The following NDST3 variants were observed in gnomAD, a reference collection of about 807,000 sequenced individuals.
NDST3 encodes the protein bifunctional heparan sulfate N-deacetylase/N-sulfotransferase 3.
NDST3 carries 58 observed loss-of-function variants against 96.1 expected under a neutral mutation model. The ratio of observed to expected loss-of-function variants is 0.60; its 90% CI spans 0.49 to 0.75. The LOEUF is 0.75. Among genes scored for constraint, NDST3 ranks in the 30% least tolerant of loss-of-function variants. The probability of loss-of-function intolerance (pLI) is 0.00; values close to 1 mark genes in which losing one functional copy is unlikely to be tolerated. For synonymous variants in NDST3, 333 were observed against 359.7 expected, an observed-to-expected ratio of 0.93 and a Z score of 0.84; for missense variants, 788 against 1,034.2, an observed-to-expected ratio of 0.76 and a Z score of 3.27.
intron 2 of NDST3, among the ~76,000 whole-genome samples, chr4:118,101,975 C>A (rs1729804196): frequency 6.6e-6 from 1 of 151,880 alleles, no homozygotes; most frequent in South Asian, 2.1e-4. Context: ...AATGAAAATT[C>A]AAAACTCTGT....
intron 4 of NDST3, among the ~76,000 whole-genome samples, chr4:118,125,360 A>G (rs562425933): frequency 2.0e-5 from 3 of 152,178 alleles, no homozygotes; most frequent in East Asian, 1.9e-4. Flanking sequence ...CTTAAAACAA[A>G]TCTACTAAAA....
intron 12 of NDST3, among the ~76,000 whole-genome samples, chr4:118,249,081 A>G (rs1264662868): frequency 6.6e-6 from 1 of 152,232 alleles, no homozygotes; most frequent in Admixed American, 6.5e-5. Context: ...CACCTGCTGC[A>G]TAAGATCTAA....
chr4:118,058,323 T>C (rs190213468), intron 2 of NDST3, among the ~76,000 whole-genome samples: 3 of 151,122 alleles, frequency 2.0e-5, no homozygotes, highest in Non-Finnish European at 4.4e-5. Context: ...ATATCAGCTT[T>C]ACCCACCTAG....
intron 6 of NDST3, chr4:118,193,833 G>C: frequency 7.3e-7 from 1 of 1,372,992 alleles, no homozygotes; most frequent in South Asian, 1.3e-5. Context: ...GCCAGTTGAA[G>C]GGCCTGTGCC....
chr4:118,105,915 T>C (rs1332297678), intron 3 of NDST3, among the ~76,000 whole-genome samples: 2 of 152,214 alleles, frequency 1.3e-5, no homozygotes, highest in Non-Finnish European at 2.9e-5. Flanking sequence ...GTTGTACCTG[T>C]TTATATTCCC....
chr4:118,114,120 C>G (rs1730861829), intron 3 of NDST3, among the ~76,000 whole-genome samples: 1 of 151,858 alleles, frequency 6.6e-6, no homozygotes, highest in African/African-American at 2.4e-5. Flanking sequence ...GCAAAATCTT[C>G]TTCCAACAAC....
chr4:118,071,583 C>T (rs1727081834), intron 2 of NDST3, among the ~76,000 whole-genome samples: 1 of 152,056 alleles, frequency 6.6e-6, no homozygotes, highest in Non-Finnish European at 1.5e-5. Flanking sequence ...GGGTGTTCTA[C>T]AAAGGACATG....
chr4:118,152,457 T>C (rs1462124623), intron 6 of NDST3, among the ~76,000 whole-genome samples: 2 of 152,220 alleles, frequency 1.3e-5, no homozygotes, highest in Non-Finnish European at 2.9e-5. Context: ...AGAATTTCTT[T>C]AAAACTTATG....
intron 6 of NDST3, among the ~76,000 whole-genome samples, chr4:118,214,232 T>A (rs1739041186): frequency 6.6e-6 from 1 of 151,954 alleles, no homozygotes; most frequent in Non-Finnish European, 1.5e-5. Context: ...AATATGAAGA[T>A]GAAGAAGAAG....
intron 6 of NDST3, among the ~76,000 whole-genome samples, chr4:118,219,920 A>C (rs111661251): frequency 0.11 from 17,308 of 152,174 alleles, 1,320 homozygotes; most frequent in South Asian, 0.2. Flanking sequence ...AAAGCTCAAC[A>C]TCACTGATCA....
rs538264109 is a variant in NDST3 at position 118,230,546 on chromosome 4, G to T, written c.1820-2466G>T. 4.6e-5 allele frequency among the ~76,000 whole-genome samples: 7 copies of T among 151,674 alleles called. No individual in the cohort carries two copies. The South Asian group carries it at 1.5e-3, about 32-fold the overall frequency. On this transcript the variant is annotated intron_variant, in intron 8 of 13. Coordinates refer to ENST00000296499, the MANE Select transcript of NDST3 (RefSeq NM_004784.3). Reference sequence around the variant, plus strand: ...GCCGAGATCACGCCGCTGCACTCTAGCCTGGGCAACAGAGCGAGACTCCGT... The same window carrying T: ...GCCGAGATCACGCCGCTGCACTCTATCCTGGGCAACAGAGCGAGACTCCGT...
Position 118,237,060 on chromosome 4 carries a change from TC to T in NDST3, c.1961del (p.Pro654GlnfsTer64). On this transcript the variant is annotated frameshift_variant, in exon 10 of 14. Transcript: ENST00000296499. LOFTEE classifies it high-confidence loss of function. ...HRGIDWYMDF[F>X]PVPSNVTTDF... is the part of the protein sequence containing the mutation. ...TCCTTTTCTAGGTATATGGATTTCT[TC>T]CCAGTCCCATCTAATGTCACTACCG... 1 of 1,606,290 alleles carries T rather than the reference TC, an allele frequency of 6.2e-7. No individual in the cohort carries two copies. The highest frequency in any genetic ancestry group is 8.5e-7 in the Non-Finnish European group (1 of 1,175,952).
rs1194447017 is a variant in NDST3, at chr4:118,224,755, G to C, written c.1722+82G>C. 4 of 1,275,562 alleles carry C rather than the reference G, an allele frequency of 3.1e-6. No individual in the cohort carries two copies. The African/African-American group carries it at 6.1e-5, about 20-fold the overall frequency. The allele number at this position is 1,275,562 out of a possible 1,614,324, so 79.0% of individuals were successfully genotyped here. On this transcript the variant is annotated intron_variant, in intron 7 of 13. Coordinates refer to ENST00000296499, the MANE Select transcript of NDST3 (RefSeq NM_004784.3). ...AGATATCCCAAATTTGAAAAGTGAA[G>C]GCACCTGAAAAAACCTGCATTTTGG...
chr4:118,165,669 C>A (rs950608474), intron 6 of NDST3, among the ~76,000 whole-genome samples: 5 of 151,910 alleles, frequency 3.3e-5, no homozygotes, highest in Non-Finnish European at 5.9e-5. Context: ...CATGTTGGAT[C>A]ACAAAATAAG....
rs1356726632 is a variant in NDST3 at position 118,143,601 on chromosome 4, T to C, written c.1456T>C (p.Tyr486His). 2 of 1,609,762 alleles carry C rather than the reference T, an allele frequency of 1.2e-6. No individual in the cohort carries two copies. Among genetic ancestry groups the C allele is most frequent in the African/African-American group, 1.3e-5 (1 of 74,614 alleles). The part of the protein sequence containing the change: ...TCGLFTHTIF[Y>H]KEYPGGPKEL... ...TGGGCTTTTCACTCACACCATTTTC[T>C]ACAAAGAATATCCAGGGGGTCCTAA... The change falls in exon 6 of 14, where the codon TAC (tyrosine) becomes CAC (histidine). Residue 486 changes from tyrosine to histidine, a missense_variant. Coordinates refer to ENST00000296499, the MANE Select transcript of NDST3 (RefSeq NM_004784.3).
intron 13 of NDST3, among the ~76,000 whole-genome samples, chr4:118,254,759 T>A (rs1418859822): frequency 6.6e-6 from 1 of 152,332 alleles, no homozygotes; most frequent in Middle Eastern, 3.4e-3. Context: ...GGTCTGAGGA[T>A]CCTAAGGTGG....
At chr4:118,157,434 T>G (rs1031324283) in intron 6 of NDST3, among the ~76,000 whole-genome samples, 24 of 149,218 alleles carry the variant, frequency 1.6e-4, no homozygotes, top group Admixed American at 2.7e-4. Flanking sequence ...TTTTGTTTTT[T>G]TTTTTTTTTG....
intron 6 of NDST3, among the ~76,000 whole-genome samples, chr4:118,150,184 C>G (rs1276032544): frequency 3.9e-5 from 6 of 152,032 alleles, no homozygotes; most frequent in Non-Finnish European, 7.4e-5. Flanking sequence ...ATTTTTGCAT[C>G]AATGTTCATC....
At chr4:118,143,475 T>C (rs1450331742) in intron 5 of NDST3, 81 bp from the exon 6 acceptor site, 5 of 1,447,386 alleles carry the variant, frequency 3.5e-6, no homozygotes, top group Non-Finnish European at 4.7e-6. Context: ...GTGCATCATC[T>C]TGTGTGAGCA....
Sources: allele counts gnomAD v4.1 joint callset (sites outside exome capture counted in the v4.1 genomes callset), GRCh38; gene constraint gnomAD v4.1.1; transcripts MANE v1.5; gene names NCBI Gene and HGNC (gene_info 2026-07-23, HGNC 2026-07-21).